ASB9: variants seen among roughly 807,000 people sequenced by gnomAD.
The protein encoded by ASB9 is ankyrin repeat and SOCS box containing 9, also known as ankyrin repeat and SOCS box protein 9.
A neutral mutation model predicts 16.6 loss-of-function variants in ASB9; 5 were observed. That is an observed-to-expected ratio of 0.30 (90% CI 0.16 to 0.63). The LOEUF is 0.63. Among genes scored for constraint, ASB9 ranks in the 30% least tolerant of loss-of-function variants. The pLI is 0.82. For synonymous variants in ASB9, 100 were observed against 86.4 expected (o/e 1.16, Z -0.87); for missense variants, 216 against 229.4 (o/e 0.94, Z 0.38).
In ASB9 at chrX:15,254,856, G is replaced by A. The variant is rs900074911; in HGVS notation, c.175-12C>T. On this transcript the variant is annotated splice_polypyrimidine_tract_variant and intron_variant, in intron 2 of 6. Coordinates refer to ENST00000380488, the MANE Select transcript of ASB9 (RefSeq NM_001031739.3). The stretch of plus-strand genomic sequence containing the variant: ...TTCACAGCCCACCCCTGAAGGAGGG[G>A]AAACAGTCAGAGTAAGGGGTGCAAA... 4 of 1,183,443 alleles carry A rather than the reference G, an allele frequency of 3.4e-6. No homozygotes were observed. The highest frequency in any genetic ancestry group is 2.2e-5 in the Admixed American group (1 of 45,921).
chrX:15,263,084 C>T (rs1163284091), intron 1 of ASB9, among the ~76,000 whole-genome samples: 3 of 112,135 alleles, frequency 2.7e-5, no homozygotes, highest in African/African-American at 9.7e-5. Flanking sequence ...ATTTGTGGAA[C>T]ATTTTTTTCA....
intron 1 of ASB9, among the ~76,000 whole-genome samples, chrX:15,261,910 A>T (rs1202717242): frequency 1.8e-5 from 2 of 112,101 alleles, no homozygotes; most frequent in African/African-American, 6.5e-5. Flanking sequence ...CATCACCCCA[A>T]AAAGAAACTC....
chrX:15,250,713 T>G (rs1925042390), intron 4 of ASB9, 149 bp from the exon 5 acceptor site: 2 of 485,911 alleles, frequency 4.1e-6, no homozygotes, highest in Admixed American at 8.4e-5. Flanking sequence ...GGAGTGATTT[T>G]ATTTTATTTC....
Position 15,250,856 on chromosome X carries a change from T to G in ASB9, c.434-292A>C, listed in dbSNP as rs756256836. Among the ~76,000 whole-genome samples, 16 of 111,643 alleles carry G rather than the reference T, an allele frequency of 1.4e-4. No individual in the cohort carries two copies. The South Asian group carries it at 2.3e-3, about 16-fold the overall frequency. Reference sequence around the variant, plus strand: ...CCTGCCTCAGCCTCCGAGTAGCTGGTACTACAGGCGCCCGCCACCACACCC... The same window carrying G: ...CCTGCCTCAGCCTCCGAGTAGCTGGGACTACAGGCGCCCGCCACCACACCC... On this transcript the variant is annotated intron_variant, in intron 4 of 6. Coordinates refer to ENST00000380488, the MANE Select transcript of ASB9 (RefSeq NM_001031739.3).
At chrX:15,267,673 G>A (rs1432710065) in intron 1 of ASB9, among the ~76,000 whole-genome samples, 1 of 99,655 alleles carries the variant, frequency 1.0e-5, no homozygotes, top group African/African-American at 3.7e-5. Context: ...AACACGGGAA[G>A]GTGGAGTTTG....
intron 1 of ASB9, among the ~76,000 whole-genome samples, chrX:15,264,469 G>C (rs944314617): frequency 8.9e-6 from 1 of 111,783 alleles, no homozygotes; most frequent in Admixed American, 9.5e-5. Flanking sequence ...TTGGACAGGA[G>C]AGTCTAACAT....
intron 6 of ASB9, among the ~76,000 whole-genome samples, chrX:15,248,385 C>T (rs1256037848): frequency 1.8e-5 from 2 of 112,037 alleles, no homozygotes; most frequent in African/African-American, 6.5e-5. Flanking sequence ...TATCCTGCGG[C>T]CTCTTACAAC....
At chrX:15,269,653 C>T in intron 1 of ASB9, 128 bp downstream of exon 1, 1 of 415,573 alleles carries the variant, frequency 2.4e-6, no homozygotes, top group South Asian at 6.0e-5. Flanking sequence ...TACCAGTGAG[C>T]TGTGGACATC....
chrX:15,246,818 G>C (rs1177857330), intron 6 of ASB9, among the ~76,000 whole-genome samples: 5 of 111,731 alleles, frequency 4.5e-5, no homozygotes, highest in African/African-American at 1.3e-4. Context: ...TGCACTGGGT[G>C]AGGGGGGATG....
intron 1 of ASB9, among the ~76,000 whole-genome samples, chrX:15,266,950 A>G (rs1160548586): frequency 1.8e-5 from 2 of 110,437 alleles, no homozygotes; most frequent in African/African-American, 6.6e-5. Context: ...AAAAAAAAAA[A>G]AAAGAAAAAG....
rs769501708 is a variant in ASB9 at position 15,252,295 on chromosome X, T to C, written c.392A>G (p.Glu131Gly). Residue 131 changes from glutamate to glycine, a missense_variant, in exon 4 of 7, where the codon GAG becomes GGG. Transcript: ENST00000380488. ...ATGGATGGGGGATGCCAGATCACTC[T>C]CAGGTTGAACGCTGGCTCCGTGCTG... is the stretch of plus-strand genomic sequence containing the variant. ...LLQHGASVQP[E>G]SDLASPIHEA... 1.7e-6 allele frequency: 2 copies of C among 1,211,303 alleles called. No homozygotes were observed. Among genetic ancestry groups the C allele is most frequent in the East Asian group, 3.0e-5 (1 of 33,847 alleles).
intron 6 of ASB9, among the ~76,000 whole-genome samples, chrX:15,247,091 A>G (rs747877005): frequency 1.7e-4 from 19 of 111,695 alleles, no homozygotes; most frequent in Non-Finnish European, 3.6e-4. Flanking sequence ...ACGGAGAAAC[A>G]GGTGGACTGA....
intron 1 of ASB9, among the ~76,000 whole-genome samples, chrX:15,265,567 G>A (rs763382976): frequency 9.0e-6 from 1 of 111,340 alleles, no homozygotes; most frequent in Non-Finnish European, 1.9e-5. Context: ...ATTTCACCTG[G>A]GAGTTTGTTA....
intron 2 of ASB9, among the ~76,000 whole-genome samples, chrX:15,257,698 CACAGTCAGTTCTTAGTT>C (rs932595250): frequency 9.0e-6 from 1 of 111,381 alleles, no homozygotes; most frequent in Non-Finnish European, 1.9e-5. Flanking sequence ...GTGTTCAGTC[CACAGTCAGTTCTTAGTT>C]TTTAAAAAAA....
At chrX:15,268,115 T>C (rs1926679396) in intron 1 of ASB9, among the ~76,000 whole-genome samples, 1 of 111,176 alleles carries the variant, frequency 9.0e-6, no homozygotes, top group African/African-American at 3.3e-5. Flanking sequence ...GCAGATCACC[T>C]GAGGTCAGGA....
intron 2 of ASB9, among the ~76,000 whole-genome samples, chrX:15,258,589 A>G (rs1925752823): frequency 8.9e-6 from 1 of 112,186 alleles, no homozygotes; most frequent in African/African-American, 3.2e-5. Context: ...CATTTCCTTC[A>G]GTTCAGAATG....
chrX:15,267,425 T>TTAAAAAAAAAAAAAAAA (rs377056337), intron 1 of ASB9, among the ~76,000 whole-genome samples: 19 of 87,546 alleles, frequency 2.2e-4, no homozygotes, highest in Admixed American at 8.0e-4. Flanking sequence ...AAAATATATA[T>TTAAAAAAAAAAAAAAAA]ATATATATAA....
intron 1 of ASB9, among the ~76,000 whole-genome samples, chrX:15,266,181 C>T (rs1403115473): frequency 1.8e-5 from 2 of 111,189 alleles, no homozygotes; most frequent in African/African-American, 3.3e-5. Context: ...TCAAGTGATC[C>T]GCCCACCTCA....
chrX:15,256,552 C>T (rs1227372836), intron 2 of ASB9, among the ~76,000 whole-genome samples: 211 of 107,018 alleles, frequency 2.0e-3, no homozygotes, highest in African/African-American at 7.0e-3. Flanking sequence ...CCGAGGCAGG[C>T]GGATCACGAG....
Sources: gnomAD v4.1 joint callset for allele counts (sites outside exome capture counted in the v4.1 genomes callset) on GRCh38, gnomAD v4.1.1 for gene constraint, MANE v1.5 for transcripts, NCBI Gene and HGNC (gene_info 2026-07-23, HGNC 2026-07-21) for gene names.